The following RGL1 variants were observed in gnomAD, a reference collection of about 807,000 sequenced individuals.
The protein encoded by RGL1 is ral guanine nucleotide dissociation stimulator like 1.
RGL1 carries 24 observed loss-of-function variants against 95.2 expected under a neutral mutation model. The ratio of observed to expected loss-of-function variants is 0.25; its 90% CI spans 0.18 to 0.35. The LOEUF (loss-of-function observed/expected upper bound fraction) is 0.35, where lower values mean the gene tolerates loss of function less well. Among genes scored for constraint, RGL1 ranks in the 10% least tolerant of loss-of-function variants. The pLI is 1.00. For synonymous variants in RGL1, 329 were observed against 344.9 expected (o/e 0.95, Z 0.51); for missense variants, 715 against 936.3 (o/e 0.76, Z 3.08).
intron 9 of RGL1, among the ~76,000 whole-genome samples, chr1:183,894,717 T>C (rs1483884055): frequency 6.6e-6 from 1 of 152,170 alleles, no homozygotes; most frequent in Non-Finnish European, 1.5e-5. Flanking sequence ...TTTGTAGATA[T>C]GTAGTCTCAT....
intron 2 of RGL1, among the ~76,000 whole-genome samples, chr1:183,813,744 A>G (rs914913483): frequency 6.6e-6 from 1 of 152,050 alleles, no homozygotes; most frequent in Non-Finnish European, 1.5e-5. Flanking sequence ...TCTGTCTGAT[A>G]CTCTTTATCC....
chr1:183,888,421 A>G (rs1667238492), intron 7 of RGL1, 53 bp from the exon 8 acceptor site: 5 of 1,045,794 alleles, frequency 4.8e-6, no homozygotes, highest in Non-Finnish European at 6.0e-6. Context: ...CCACCAAGTC[A>G]TTGTAATATT....
At chr1:183,908,013 CA>C (rs991933839) in intron 14 of RGL1, among the ~76,000 whole-genome samples, 2 of 151,704 alleles carry the variant, frequency 1.3e-5, no homozygotes, top group African/African-American at 4.8e-5. Flanking sequence ...CAAAACAAAA[CA>C]AAACAACAAC....
chr1:183,787,181 T>A (rs954849673), intron 2 of RGL1, among the ~76,000 whole-genome samples: 1 of 152,178 alleles, frequency 6.6e-6, no homozygotes, highest in Non-Finnish European at 1.5e-5. Flanking sequence ...CAGTGCCCGG[T>A]CTGTGATGGC....
chr1:183,658,268 G>A (rs1572235076), intron 1 of RGL1, among the ~76,000 whole-genome samples: 1 of 152,230 alleles, frequency 6.6e-6, no homozygotes, highest in African/African-American at 2.4e-5. Context: ...TGCCTCACTC[G>A]GGAAGCGCAA....
chr1:183,878,698 A>G (rs1666658341), intron 4 of RGL1, among the ~76,000 whole-genome samples: 1 of 152,232 alleles, frequency 6.6e-6, no homozygotes, highest in East Asian at 1.9e-4. Context: ...TAAGGATCAC[A>G]GGCATTTAAG....
rs996813499 is a variant in RGL1, at chr1:183,881,540, A to G, written c.610+740A>G. Among the ~76,000 whole-genome samples, 3 of 152,174 alleles carry G rather than the reference A, an allele frequency of 2.0e-5. No homozygotes were observed. The East Asian group carries it at 5.8e-4, about 29-fold the overall frequency. On this transcript the variant is annotated intron_variant, in intron 5 of 17. Transcript: ENST00000360851. ...GGACAGGCTTCCAGTGTGATGTTGT[A>G]TCCTCTCACTGGGGTGCTGGGTGAC... is the stretch of plus-strand genomic sequence containing the variant.
chr1:183,738,765 G>A (rs531250881), intron 1 of RGL1, among the ~76,000 whole-genome samples: 23 of 152,214 alleles, frequency 1.5e-4, no homozygotes, highest in Admixed American at 1.2e-3. Flanking sequence ...GCTGGGCGTG[G>A]TGGCAGGCAT....
intron 2 of RGL1, among the ~76,000 whole-genome samples, chr1:183,813,537 C>T (rs535513063): frequency 6.6e-6 from 1 of 152,172 alleles, no homozygotes; most frequent in Non-Finnish European, 1.5e-5. Context: ...TTAAAGTCTT[C>T]TGTTTCCCTA....
intron 4 of RGL1, among the ~76,000 whole-genome samples, chr1:183,870,652 C>T (rs1212117419): frequency 6.6e-6 from 1 of 152,164 alleles, no homozygotes; most frequent in African/African-American, 2.4e-5. Flanking sequence ...TTTCAGCATG[C>T]ACAAAGTAAC....
intron 1 of RGL1, among the ~76,000 whole-genome samples, chr1:183,719,839 G>T (rs1048621232): frequency 1.1e-4 from 16 of 152,170 alleles, no homozygotes; most frequent in Non-Finnish European, 1.8e-4. Context: ...CCTGGAGGCA[G>T]AGGTTGCAGT....
intron 2 of RGL1, among the ~76,000 whole-genome samples, chr1:183,780,085 C>T (rs905052691): frequency 1.3e-5 from 2 of 152,158 alleles, no homozygotes; most frequent in Non-Finnish European, 2.9e-5. Context: ...ATTCCAGTTT[C>T]CTCCCTGGGA....
At chr1:183,703,561 T>A (rs1001058659) in intron 1 of RGL1, among the ~76,000 whole-genome samples, 1 of 152,198 alleles carries the variant, frequency 6.6e-6, no homozygotes, top group African/African-American at 2.4e-5. Flanking sequence ...ACTTTTCTGA[T>A]GTTTGAAGCG....
intron 1 of RGL1, among the ~76,000 whole-genome samples, chr1:183,728,947 C>T (rs1014317186): frequency 1.3e-5 from 2 of 152,158 alleles, no homozygotes; most frequent in Non-Finnish European, 2.9e-5. Flanking sequence ...AATAAATTAA[C>T]ATCAACCCTT....
intron 3 of RGL1, among the ~76,000 whole-genome samples, chr1:183,862,356 T>A (rs1163365070): frequency 1.3e-5 from 2 of 152,056 alleles, no homozygotes; most frequent in Admixed American, 6.5e-5. Flanking sequence ...AGTGAGACCC[T>A]GTTTCAATGG....
At chr1:183,818,431 C>G (rs1357685693) in intron 2 of RGL1, among the ~76,000 whole-genome samples, 1 of 152,224 alleles carries the variant, frequency 6.6e-6, no homozygotes, top group African/African-American at 2.4e-5. Context: ...TTTCTGTTCA[C>G]TGGTTGACTG....
At chr1:183,693,902 C>G (rs1171261710) in intron 1 of RGL1, among the ~76,000 whole-genome samples, 1 of 152,136 alleles carries the variant, frequency 6.6e-6, no homozygotes, top group African/African-American at 2.4e-5. Flanking sequence ...ACCCTTTAGT[C>G]TTCTTTGGAT....
At chr1:183,920,235 C>G (rs555384536) in intron 16 of RGL1, among the ~76,000 whole-genome samples, 1 of 152,234 alleles carries the variant, frequency 6.6e-6, no homozygotes, top group African/African-American at 2.4e-5. Flanking sequence ...CGGGGTTTCA[C>G]CATGTTGGCC....
rs181577325 is a variant in RGL1, at chr1:183,873,194, T to C, written c.425+7121T>C. On this transcript the variant is annotated intron_variant, in intron 4 of 17. Transcript: ENST00000360851. ...TCAATCATACGAGTATCTCCTAGGG[T>C]TTTCTACATTAAAGAATGTCTCTTT... Among the ~76,000 whole-genome samples, 1,213 of 152,182 alleles carry C rather than the reference T, an allele frequency of 8.0e-3. 30 individuals carry two copies. Among genetic ancestry groups the C allele is most frequent in the Admixed American group, 0.049 (743 of 15,304 alleles).
Sources: gnomAD v4.1 joint callset for allele counts (sites outside exome capture counted in the v4.1 genomes callset) on GRCh38, gnomAD v4.1.1 for gene constraint, MANE v1.5 for transcripts, NCBI Gene and HGNC (gene_info 2026-07-23, HGNC 2026-07-21) for gene names.